GRHL2: variants seen among roughly 807,000 people sequenced by gnomAD.
GRHL2 encodes grainyhead like transcription factor 2.
A neutral mutation model predicts 83.8 loss-of-function variants in GRHL2; 21 were observed. The ratio of observed to expected loss-of-function variants is 0.25; its 90% CI spans 0.18 to 0.36. The LOEUF is 0.36. Among genes scored for constraint, GRHL2 ranks in the 10% least tolerant of loss-of-function variants. The pLI is 1.00. For synonymous variants in GRHL2, 280 were observed against 278.9 expected (o/e 1.00, Z -0.04); for missense variants, 623 against 781.8 (o/e 0.80, Z 2.42).
chr8:101,664,827 G>C (rs1047123834), intron 15 of GRHL2, among the ~76,000 whole-genome samples: 1 of 152,070 alleles, frequency 6.6e-6, no homozygotes, highest in East Asian at 1.9e-4. Flanking sequence ...CTTTCTGCAG[G>C]GAGTGGAGTT....
downstream of GRHL2, among the ~76,000 whole-genome samples, chr8:101,673,399 A>G (rs983083742): frequency 7.9e-5 from 12 of 152,052 alleles, no homozygotes; most frequent in African/African-American, 2.9e-4. Flanking sequence ...AGGGGTTGCA[A>G]TCCTAATCTC....
chr8:101,528,027 C>A (rs1268177374), intron 1 of GRHL2, among the ~76,000 whole-genome samples: 1 of 152,130 alleles, frequency 6.6e-6, no homozygotes, highest in Non-Finnish European at 1.5e-5. Context: ...TTTCATTATT[C>A]TTTCCAACAC....
intron 7 of GRHL2, among the ~76,000 whole-genome samples, chr8:101,580,690 A>AT (rs1812033200): frequency 1.3e-5 from 2 of 152,048 alleles, no homozygotes; most frequent in Admixed American, 6.5e-5. Flanking sequence ...TTTTATTTTT[A>AT]TTTATTTTAT....
chr8:101,618,116 T>G (rs1812891432), intron 8 of GRHL2, among the ~76,000 whole-genome samples: 1 of 152,134 alleles, frequency 6.6e-6, no homozygotes, highest in Non-Finnish European at 1.5e-5. Context: ...AACCACCTCT[T>G]AATCATCAGT....
chr8:101,576,793 G>A (rs1405643543), intron 6 of GRHL2, among the ~76,000 whole-genome samples: 1 of 152,106 alleles, frequency 6.6e-6, no homozygotes, highest in Non-Finnish European at 1.5e-5. Flanking sequence ...AGTTTCTCAA[G>A]CTCATTTTTA....
intron 1 of GRHL2, among the ~76,000 whole-genome samples, chr8:101,511,219 A>G (rs978340801): frequency 6.6e-6 from 1 of 152,172 alleles, no homozygotes. Context: ...TTTGGGTTGC[A>G]TGATATTTCA....
intron 15 of GRHL2, 44 bp downstream of exon 15, chr8:101,664,562 A>G (rs2129769266): frequency 2.3e-6 from 3 of 1,327,540 alleles, no homozygotes; most frequent in Non-Finnish European, 3.3e-6. Flanking sequence ...AATCAGATAA[A>G]TCCACATGAT....
intron 11 of GRHL2, among the ~76,000 whole-genome samples, chr8:101,634,755 G>A (rs745691208): frequency 6.6e-6 from 1 of 152,144 alleles, no homozygotes; most frequent in Non-Finnish European, 1.5e-5. Context: ...CATGACTTGG[G>A]GAGTGGGTAT....
rs1563579450 is a variant in GRHL2, at chr8:101,558,519, G to GATC, written c.387_389dup (p.His130dup). On this transcript the variant is annotated inframe_insertion, in exon 4 of 16. Transcript: ENST00000646743. ...TCCAGTGAACCTTTCCCTAAATCAAGATCACCTGGAGAATTCCAAGCGGGA... is the reference window on the plus strand; with the variant it reads ...TCCAGTGAACCTTTCCCTAAATCAAGATCATCACCTGGAGAATTCCAAGCGGGA... 6 of 1,613,978 alleles carry GATC rather than the reference G, an allele frequency of 3.7e-6. No homozygotes were observed. The African/African-American group carries it at 8.0e-5, about 22-fold the overall frequency.
At chr8:101,530,025 G>A (rs1053668906) in intron 1 of GRHL2, among the ~76,000 whole-genome samples, 9 of 152,108 alleles carry the variant, frequency 5.9e-5, no homozygotes, top group African/African-American at 1.2e-4. Context: ...CCCCAAAGGC[G>A]GACTCCTCTG....
intron 7 of GRHL2, 101 bp downstream of exon 7, chr8:101,577,620 G>T: frequency 1.3e-6 from 1 of 799,264 alleles, no homozygotes; most frequent in Non-Finnish European, 2.1e-6. Context: ...GAGCCACAGA[G>T]CTCTTATGAT....
At chr8:101,542,107 G>A (rs757228930) in intron 1 of GRHL2, among the ~76,000 whole-genome samples, 5 of 152,124 alleles carry the variant, frequency 3.3e-5, no homozygotes, top group African/African-American at 4.8e-5. Flanking sequence ...ATTGAGACAT[G>A]GGTTGGTCTA....
At chr8:101,620,175 A>G (rs1348708349) in intron 9 of GRHL2, among the ~76,000 whole-genome samples, 1 of 152,134 alleles carries the variant, frequency 6.6e-6, no homozygotes, top group East Asian at 1.9e-4. Flanking sequence ...TTTTCTAAGG[A>G]CACAAATTCT....
At chr8:101,538,373 C>T (rs1033485900) in intron 1 of GRHL2, among the ~76,000 whole-genome samples, 1 of 151,934 alleles carries the variant, frequency 6.6e-6, no homozygotes, top group African/African-American at 2.4e-5. Flanking sequence ...CAGCTGATGA[C>T]TCATCTCTCA....
At chr8:101,636,854 T>C in intron 11 of GRHL2, 43 bp from the exon 12 acceptor site, 1 of 1,591,768 alleles carries the variant, frequency 6.3e-7, no homozygotes, top group Non-Finnish European at 8.6e-7. Context: ...TTTTTCCATT[T>C]CTTGTCTCTG....
At chr8:101,639,294 T>C (rs1813350881) in intron 12 of GRHL2, among the ~76,000 whole-genome samples, 2 of 147,916 alleles carry the variant, frequency 1.4e-5, no homozygotes, top group East Asian at 1.9e-4. Context: ...ATGAACAGCA[T>C]TGGAACCAGA....
intron 7 of GRHL2, among the ~76,000 whole-genome samples, chr8:101,585,931 G>C (rs1430141608): frequency 6.6e-6 from 1 of 151,992 alleles, no homozygotes; most frequent in African/African-American, 2.4e-5. Flanking sequence ...GTGTGTGATG[G>C]GGGTGGTCCT....
At chr8:101,599,459 T>C (rs1812465610) in intron 8 of GRHL2, among the ~76,000 whole-genome samples, 1 of 152,228 alleles carries the variant, frequency 6.6e-6, no homozygotes. Context: ...CAAAGGCGTC[T>C]CTGTGCAGCC....
chr8:101,656,645 G>A (rs148051034), intron 14 of GRHL2, among the ~76,000 whole-genome samples: 13 of 152,288 alleles, frequency 8.5e-5, no homozygotes, highest in Non-Finnish European at 1.5e-4. Flanking sequence ...TGAGCTGGGC[G>A]AGTTACTCAA....
Sources: gnomAD v4.1 joint callset for allele counts (sites outside exome capture counted in the v4.1 genomes callset) on GRCh38, gnomAD v4.1.1 for gene constraint, MANE v1.5 for transcripts, NCBI Gene and HGNC (gene_info 2026-07-23, HGNC 2026-07-21) for gene names.